HEATR1: variants seen among roughly 807,000 people sequenced by gnomAD.
HEATR1 encodes HEAT repeat containing 1, also known as HEAT repeat-containing protein 1.
HEATR1 carries 77 observed loss-of-function variants against 248.2 expected under a neutral mutation model. The ratio of observed to expected loss-of-function variants is 0.31; its 90% CI spans 0.26 to 0.37. HEATR1 has a LOEUF of 0.37. HEATR1 is among the 10% of genes least tolerant of loss of function. HEATR1 has a pLI of 1.00. For missense variants in HEATR1, 2,420 were observed against 2,504.9 expected (o/e 0.97, Z 0.72); for synonymous variants, 897 against 923.1 (o/e 0.97, Z 0.51).
chr1:236,550,095 G>C lies in HEATR1; in HGVS notation c.*807C>G, dbSNP rs537374652. ...AACTTCACCATGACCCAGTACTAGA[G>C]ATTAGGGCACTTCAAAGCATTGAAA... On this transcript the variant is annotated 3_prime_UTR_variant, in exon 45 of 45. Transcript: ENST00000366582. 2.4e-4 allele frequency: 37 copies of C among 152,226 alleles called. No individual in the cohort carries two copies. Among genetic ancestry groups the C allele is most frequent in the African/African-American group, 8.4e-4 (35 of 41,516 alleles). The allele number at this position is 152,226 out of a possible 1,614,324, so 9.4% of individuals were successfully genotyped here. A position where few individuals can be genotyped will look rare whatever the true frequency, so the allele number is the denominator to read the frequency against.
intron 39 of HEATR1, 62 bp from the exon 40 acceptor site, chr1:236,555,717 G>GTA (rs1662951345): frequency 6.2e-7 from 1 of 1,604,644 alleles, no homozygotes; most frequent in Admixed American, 1.7e-5. Context: ...ATTTTGGCAA[G>GTA]TACCACTGTT....
chr1:236,561,824 T>C (rs993677630), intron 32 of HEATR1, among the ~76,000 whole-genome samples: 8 of 152,272 alleles, frequency 5.3e-5, no homozygotes, highest in Admixed American at 5.2e-4. Flanking sequence ...CCTCTATAAA[T>C]ACCACTTATC....
In HEATR1 at chr1:236,581,327, T is replaced by C; in HGVS notation, c.2650A>G (p.Ser884Gly). Residue 884 changes from serine (S) to glycine (G), a missense_variant, in exon 20 of 45, where the codon AGT becomes GGT. Transcript: ENST00000366582. ...TGAGTCTGCAGCACTGTTTTCACAC[T>C]GCAGTTTAGTGGATTTGAAAGGCTA... ...GSSLSNPLNC[S>G]VKTVLQTQAL... 1 of 1,612,572 alleles carries C rather than the reference T, an allele frequency of 6.2e-7. No individual in the cohort carries two copies. The highest frequency in any genetic ancestry group is 8.5e-7 in the Non-Finnish European group (1 of 1,179,566).
rs781039116 is a variant in HEATR1, at chr1:236,556,206, T to A, written c.5408A>T (p.Asn1803Ile). Reference sequence around the variant, plus strand: ...CTTTTTAAGAGATGTGAGACGGATATTAGCCTGTGACGCAGAACCCATTTC... The same window carrying A: ...CTTTTTAAGAGATGTGAGACGGATAATAGCCTGTGACGCAGAACCCATTTC... ...TSEMGSASQA[N>I]IRLTSLKKTL... The change falls in exon 38 of 45, where the codon AAT becomes ATT. Residue 1803 changes from asparagine to isoleucine, a missense_variant. By Grantham distance (149) the Asn-to-Ile change is moderately radical (BLOSUM62 -3). Coordinates refer to ENST00000366582, the MANE Select transcript of HEATR1 (RefSeq NM_018072.6). 2.5e-6 allele frequency: 4 copies of A among 1,613,928 alleles called. No individual in the cohort carries two copies. Among genetic ancestry groups the A allele is most frequent in the Admixed American group, 1.7e-5 (1 of 59,994 alleles).
rs1319785407 is a variant in HEATR1, at chr1:236,604,059, G to C, written c.37C>G (p.Leu13Val). 2 of 1,581,028 alleles carry C rather than the reference G, an allele frequency of 1.3e-6. No individual in the cohort carries two copies. Among genetic ancestry groups the C allele is most frequent in the South Asian group, 2.3e-5 (2 of 85,242 alleles). Reference sequence around the variant, plus strand: ...AAGAGGCTGGCATCACTTTGAGGGAGGGCGAGTCGTTGCAGCTGCTGGGCT... The same window carrying C: ...AAGAGGCTGGCATCACTTTGAGGGACGGCGAGTCGTTGCAGCTGCTGGGCT... ...SLAQQLQRLA[L>V]PQSDASLLSR... Residue 13 changes from leucine to valine, a missense_variant, in exon 2 of 45, where the codon CTC (leucine) becomes GTC (valine). Physicochemically the swap from Leu to Val is conservative, Grantham distance 32. Transcript: ENST00000366582.
intron 22 of HEATR1, 98 bp downstream of exon 22, chr1:236,576,120 CA>C: frequency 1.1e-6 from 1 of 890,940 alleles, no homozygotes; most frequent in Non-Finnish European, 1.6e-6. Context: ...TCTGAGCGCA[CA>C]CATGCAACTC....
Position 236,583,024 on chromosome 1 carries a change from G to C in HEATR1, c.2414C>G (p.Ser805Cys), listed in dbSNP as rs755885940. 2 of 1,613,712 alleles carry C rather than the reference G, an allele frequency of 1.2e-6. No homozygotes were observed. The highest frequency in any genetic ancestry group is 2.7e-5 in the African/African-American group (2 of 74,846). Residue 805 changes from serine to cysteine, a missense_variant, in exon 18 of 45, where the codon TCT (serine) becomes TGT (cysteine). Physicochemically the swap from Ser to Cys is moderately radical, Grantham distance 112. Transcript: ENST00000366582. ...KFIYALKAPK[S>C]FPKGDIWWNP... ...AGCTTGTATCTTACCTTTAGGAAAA[G>C]ATTTAGGAGCTTTCAGTGCATAAAT...
intron 20 of HEATR1, among the ~76,000 whole-genome samples, 196 bp downstream of exon 20, chr1:236,581,026 C>CCAA (rs1037756502): frequency 6.6e-6 from 1 of 151,736 alleles, no homozygotes; most frequent in African/African-American, 2.4e-5. Context: ...CACCATGTTG[C>CCAA]CCAGGATGGT....
rs1373073028 is a variant in HEATR1 at position 236,581,520 on chromosome 1, G to A, written c.2563-106C>T. 9.3e-6 allele frequency: 7 copies of A among 756,682 alleles called. No homozygotes were observed. In the African/African-American group the frequency reaches 1.1e-4, roughly 12 times the overall value. The allele number at this position is 756,682 out of a possible 1,614,324, so 46.9% of individuals were successfully genotyped here. ...ATTATAAAGAAACAAATAATTTAAGGCAAAGTTTTGCTTTGTCTAATCATT... is the reference window on the plus strand; with the variant it reads ...ATTATAAAGAAACAAATAATTTAAGACAAAGTTTTGCTTTGTCTAATCATT... On this transcript the variant is annotated intron_variant, in intron 19 of 44. Transcript: ENST00000366582.
At chr1:236,572,332 T>C in intron 26 of HEATR1, 79 bp downstream of exon 26, 3 of 1,391,200 alleles carry the variant, frequency 2.2e-6, no homozygotes. Context: ...GAGAAGAGTA[T>C]GTTGAAAAGA....
chr1:236,604,031 G>A lies in HEATR1; in HGVS notation c.65C>T (p.Ser22Phe), dbSNP rs1038573516. 2 of 1,594,030 alleles carry A rather than the reference G, an allele frequency of 1.3e-6. No individual in the cohort carries two copies. Among genetic ancestry groups the A allele is most frequent in the African/African-American group, 1.4e-5 (1 of 73,594 alleles). Residue 22 changes from serine to phenylalanine, a missense_variant, in exon 2 of 45, where the codon TCT becomes TTT. By Grantham distance (155) the Ser-to-Phe change is radical (BLOSUM62 -2). Coordinates refer to ENST00000366582, the MANE Select transcript of HEATR1 (RefSeq NM_018072.6). ...ALPQSDASLL[S>F]RDEVASLLFD... ...TAACAAAGAAGCAACTTCATCTCTAGATAAGAGGCTGGCATCACTTTGAGG... is the reference window on the plus strand; with the variant it reads ...TAACAAAGAAGCAACTTCATCTCTAAATAAGAGGCTGGCATCACTTTGAGG...
intron 33 of HEATR1, among the ~76,000 whole-genome samples, chr1:236,560,167 G>T (rs992019094): frequency 7.2e-5 from 11 of 152,206 alleles, no homozygotes; most frequent in South Asian, 4.2e-4. Flanking sequence ...TCCAAGTGGG[G>T]TGTTCAGGGA....
chr1:236,579,774 T>C (rs2794772), intron 20 of HEATR1, among the ~76,000 whole-genome samples: 1 of 151,996 alleles, frequency 6.6e-6, no homozygotes. Flanking sequence ...AAATTACATA[T>C]CTACTTTAAA....
Position 236,585,894 on chromosome 1 carries a change from C to T in HEATR1, c.1975G>A (p.Val659Ile). 2 of 1,613,176 alleles carry T rather than the reference C, an allele frequency of 1.2e-6. No individual in the cohort carries two copies. Among genetic ancestry groups the T allele is most frequent in the Non-Finnish European group, 1.7e-6 (2 of 1,179,354 alleles). Reference protein sequence around the residue: ...KSTKPGKLIGVANQKMIELLA... With the variant: ...KSTKPGKLIGIANQKMIELLA... ...AACTCAATCATCTTCTGATTTGCTA[C>T]ACCGATTAGTTTTCCTGGCTTTGTG... is the stretch of plus-strand genomic sequence containing the variant. Residue 659 changes from valine (V) to isoleucine (I), a missense_variant, in exon 16 of 45, where the codon GTA becomes ATA. By Grantham distance (29) the Val-to-Ile change is conservative. Transcript: ENST00000366582.
chr1:236,555,669 A>G lies in HEATR1; in HGVS notation c.5650-14T>C. ...CTCCAGATCGTTCTGAAAACAGAAGAGCCCATTTATTAGAGTGCTGATACC... is the reference window on the plus strand; with the variant it reads ...CTCCAGATCGTTCTGAAAACAGAAGGGCCCATTTATTAGAGTGCTGATACC... On this transcript the variant is annotated splice_polypyrimidine_tract_variant and intron_variant, in intron 39 of 44. Coordinates refer to ENST00000366582, the MANE Select transcript of HEATR1 (RefSeq NM_018072.6). 7 of 1,613,400 alleles carry G rather than the reference A, an allele frequency of 4.3e-6. No individual in the cohort carries two copies. Among genetic ancestry groups the G allele is most frequent in the Non-Finnish European group, 5.9e-6 (7 of 1,179,298 alleles).
At chr1:236,576,155 A>G (rs1040316556) in intron 22 of HEATR1, 64 bp downstream of exon 22, 11 of 1,262,834 alleles carry the variant, frequency 8.7e-6, no homozygotes, top group Admixed American at 2.7e-5. Flanking sequence ...CTTCACCCAC[A>G]AGCAGTTACA....
chr1:236,555,910 C>T lies in HEATR1; in HGVS notation c.5544G>A (p.Leu1848=). The T allele has an allele frequency of 6.2e-7, 1 of 1,613,714 alleles. No homozygotes were observed. The change falls in exon 39 of 45, where the codon TTG becomes TTA. Residue 1848 remains leucine (L), a synonymous_variant. Coordinates refer to ENST00000366582, the MANE Select transcript of HEATR1 (RefSeq NM_018072.6). The part of the protein sequence containing the change: ...KNHMGPFMSI[L]QEHIGVMKKE... ...TCTTCATCACCCCAATATGCTCTTG[C>T]AAGATGCTCATAAACGGACCCATGT...
At chr1:236,582,594 A>T (rs781252613) in intron 19 of HEATR1, 142 bp downstream of exon 19, 3 of 763,332 alleles carry the variant, frequency 3.9e-6, no homozygotes, top group Non-Finnish European at 6.5e-6. Context: ...GTAGAAATGG[A>T]GTTTCACTAT....
At chr1:236,592,852 A>G (rs2794756) in intron 9 of HEATR1, among the ~76,000 whole-genome samples, 93,377 of 152,074 alleles carry the variant, frequency 0.61, 30,426 homozygotes, top group East Asian at 0.72. Context: ...GGGGCAGGAG[A>G]ACTGCTTAAG....
Sources: allele counts gnomAD v4.1 joint callset (sites outside exome capture counted in the v4.1 genomes callset), GRCh38; gene constraint gnomAD v4.1.1; transcripts MANE v1.5; gene names NCBI Gene and HGNC (gene_info 2026-07-23, HGNC 2026-07-21).